Variants in SGSM3 observed in about 807,000 individuals in gnomAD.
The protein encoded by SGSM3 is RUN and SH3 containing 3.
SGSM3 carries 96 observed loss-of-function variants against 100.5 expected under a neutral mutation model. That is an observed-to-expected ratio of 0.96 (90% CI 0.81 to 1.13). The LOEUF (loss-of-function observed/expected upper bound fraction) is 1.13, where lower values mean the gene tolerates loss of function less well. Ranked by LOEUF, SGSM3 falls within the 50% of genes most tolerant of loss-of-function variation. SGSM3 has a pLI of 0.00. For synonymous variants in SGSM3, 483 were observed against 422.8 expected, an observed-to-expected ratio of 1.14 and a Z score of -1.75; for missense variants, 1,001 against 1,015.8, an observed-to-expected ratio of 0.99 and a Z score of 0.20.
chr22:40,404,397 G>A lies in SGSM3; in HGVS notation c.308G>A (p.Arg103His), dbSNP rs758178803. The change falls in exon 5 of 22, where the codon CGC becomes CAC. Residue 103 changes from arginine to histidine, a missense_variant. Coordinates refer to ENST00000248929, the MANE Select transcript of SGSM3 (RefSeq NM_015705.6). ...GACAAGATTGCCGTCTCCCTACCCC[G>A]CTCTGAGAAGCTCCGCTCCCTGGTG... ...TWDKIAVSLP[R>H]SEKLRSLVLA... The A allele has an allele frequency of 2.2e-5, 36 of 1,608,122 alleles. No individual in the cohort carries two copies. Among genetic ancestry groups the A allele is most frequent in the Middle Eastern group, 1.7e-4 (1 of 6,032 alleles).
chr22:40,404,306 C>G lies in SGSM3; in HGVS notation c.217C>G (p.Gln73Glu). Residue 73 changes from glutamine to glutamate, a missense_variant, in exon 5 of 22, where the codon CAG (glutamine) becomes GAG (glutamate). Transcript: ENST00000248929. ...ANSPLMEDAPQRLRWQAHLEF... is the reference protein window; with the variant it reads ...ANSPLMEDAPERLRWQAHLEF... Reference sequence around the variant, plus strand: ...CTCCCCTCTGATGGAGGATGCTCCACAGAGGCTGCGGTGGCAGGCCCACCT... The same window carrying G: ...CTCCCCTCTGATGGAGGATGCTCCAGAGAGGCTGCGGTGGCAGGCCCACCT... 6.4e-7 allele frequency: 1 copy of G among 1,568,996 alleles called. No individual in the cohort carries two copies. Among genetic ancestry groups the G allele is most frequent in the Non-Finnish European group, 8.6e-7 (1 of 1,156,564 alleles).
At chr22:40,399,700 A>G (rs1358719864) in intron 1 of SGSM3, among the ~76,000 whole-genome samples, 1 of 152,256 alleles carries the variant, frequency 6.6e-6, no homozygotes, top group Non-Finnish European at 1.5e-5. Context: ...TATATTTTAC[A>G]CTGAAGGAAG....
chr22:40,405,441 G>A lies in SGSM3; in HGVS notation c.618+157G>A, dbSNP rs558735358. On this transcript the variant is annotated intron_variant, in intron 7 of 21. Coordinates refer to ENST00000248929, the MANE Select transcript of SGSM3 (RefSeq NM_015705.6). The stretch of plus-strand genomic sequence containing the variant: ...ACTCCGGGGCGTCCCCAAGGAGATC[G>A]GGGCAGCTGCACGTTATGCAAGCAG... 6.7e-4 allele frequency among the ~76,000 whole-genome samples: 102 copies of A among 152,288 alleles called. 2 individuals carry two copies. The South Asian group carries it at 0.02, about 30-fold the overall frequency.
Position 40,410,266 on chromosome 22 carries a change from C to A in SGSM3, c.*507C>A. On this transcript the variant is annotated 3_prime_UTR_variant, in exon 22 of 22. Coordinates refer to ENST00000248929, the MANE Select transcript of SGSM3 (RefSeq NM_015705.6). ...CTGTGCTACCCACCCCTTCCATGGA[C>A]TGAATAAGATGGACTAACAGGCCTG... 1.3e-6 allele frequency: 1 copy of A among 760,352 alleles called. No homozygotes were observed. The highest frequency in any genetic ancestry group is 1.7e-6 in the Non-Finnish European group (1 of 603,476). 47.1% of individuals were successfully genotyped at this position (760,352 alleles called of 1,614,324 possible).
chr22:40,407,816 T>C lies in SGSM3; in HGVS notation c.1552T>C (p.Trp518Arg). The C allele has an allele frequency of 6.2e-7, 1 of 1,613,658 alleles. No homozygotes were observed. The highest frequency in any genetic ancestry group is 8.5e-7 in the Non-Finnish European group (1 of 1,179,868). The change falls in exon 14 of 22, where the codon TGG (tryptophan) becomes CGG (arginine). Residue 518 changes from tryptophan to arginine, a missense_variant. Coordinates refer to ENST00000248929, the MANE Select transcript of SGSM3 (RefSeq NM_015705.6). This position sits in a 1 kb window ranked among gnomAD's most constrained non-coding sequence, Gnocchi z 4.7. ...TIVSQKDEHC[W>R]VGELNGLRGW... ...CGTGTCTCAGAAGGACGAGCACTGCTGGGTGGGGGAGCTCAACGGCCTGCG... is the reference window on the plus strand; with the variant it reads ...CGTGTCTCAGAAGGACGAGCACTGCCGGGTGGGGGAGCTCAACGGCCTGCG...
At chr22:40,373,435 A>G (rs1329756193) in intron 1 of SGSM3, 1 of 152,170 alleles carries the variant, frequency 6.6e-6, no homozygotes, top group Non-Finnish European at 1.5e-5. Flanking sequence ...ACTCTGTTGA[A>G]ACTACTCTCA....
intron 1 of SGSM3, among the ~76,000 whole-genome samples, chr22:40,390,729 CAAACT>C (rs1469642361): frequency 2.6e-5 from 4 of 152,090 alleles, no homozygotes; most frequent in African/African-American, 9.7e-5. Flanking sequence ...GCACCTAACA[CAAACT>C]AAAGGCAGAG....
In SGSM3 at chr22:40,400,803, C is replaced by T; in HGVS notation, c.-4C>T. 6.5e-7 allele frequency: 1 copy of T among 1,548,722 alleles called. No homozygotes were observed. The highest frequency in any genetic ancestry group is 2.4e-5 in the East Asian group (1 of 41,066). Reference sequence around the variant, plus strand: ...TGCAGAAGACTTGCCAGCCCACCAGCACAATGTCAGGTAGAGGCAGGGGCT... The same window carrying T: ...TGCAGAAGACTTGCCAGCCCACCAGTACAATGTCAGGTAGAGGCAGGGGCT... On this transcript the variant is annotated 5_prime_UTR_variant, in exon 2 of 22. Transcript: ENST00000248929.
intron 1 of SGSM3, among the ~76,000 whole-genome samples, chr22:40,375,982 A>G (rs1400766794): frequency 1.3e-5 from 2 of 151,644 alleles, no homozygotes; most frequent in African/African-American, 4.8e-5. Flanking sequence ...TTGAAGCTGT[A>G]GTGAGCTGTG....
At chr22:40,377,661 A>G (rs1212282094) in intron 1 of SGSM3, among the ~76,000 whole-genome samples, 1 of 151,856 alleles carries the variant, frequency 6.6e-6, no homozygotes, top group Non-Finnish European at 1.5e-5. Context: ...CATAATGGGA[A>G]CCTGTCTCTA....
In SGSM3 at chr22:40,408,112, A is replaced by G. The variant is rs756545130; in HGVS notation, c.1621A>G (p.Ser541Gly). ...GTTCGTGGAAGTCCTGGATGAGCGC[A>G]GCAAAGAGGTGAGGGGGGTGGGCGG... Reference protein sequence around the residue: ...AKFVEVLDERSKEYSIAGDDS... With the variant: ...AKFVEVLDERGKEYSIAGDDS... Residue 541 changes from serine to glycine, a missense_variant, in exon 15 of 22, where the codon AGC becomes GGC. By Grantham distance (56) the Ser-to-Gly change is moderately conservative. Transcript: ENST00000248929. 1.9e-6 allele frequency: 3 copies of G among 1,571,732 alleles called. No individual in the cohort carries two copies. Among genetic ancestry groups the G allele is most frequent in the Admixed American group, 1.7e-5 (1 of 59,842 alleles).
chr22:40,378,549 C>T (rs141376879), intron 1 of SGSM3, among the ~76,000 whole-genome samples: 4 of 151,888 alleles, frequency 2.6e-5, no homozygotes, highest in African/African-American at 7.2e-5. Flanking sequence ...GCCTACATGG[C>T]GAAACCCCAT....
chr22:40,384,519 G>A (rs772030993), intron 1 of SGSM3, among the ~76,000 whole-genome samples: 2 of 152,156 alleles, frequency 1.3e-5, no homozygotes, highest in African/African-American at 2.4e-5. Flanking sequence ...GGTGGCTCAC[G>A]CCTGTAATCC....
chr22:40,383,018 A>G (rs2047822102), intron 1 of SGSM3, among the ~76,000 whole-genome samples: 1 of 152,102 alleles, frequency 6.6e-6, no homozygotes, highest in Non-Finnish European at 1.5e-5. Flanking sequence ...TGTGTAGGTC[A>G]TAAAACAGGT....
At position 40,402,152 on chromosome 22, in the gene SGSM3, C is replaced by T. The variant is rs746569117; in HGVS notation, c.104C>T (p.Ala35Val). ...LAKYTQKEES[A>V]EQPEFYYDEF... ...TCCTGATTCTAGAAGGAAGAGTCAG[C>T]AGAGCAACCAGAGTTCTACTACGAT... The change falls in exon 4 of 22, where the codon GCA becomes GTA. Residue 35 changes from alanine to valine, a missense_variant. Physicochemically the swap from Ala to Val is moderately conservative, Grantham distance 64. Transcript: ENST00000248929. 2 of 1,613,664 alleles carry T rather than the reference C, an allele frequency of 1.2e-6. No homozygotes were observed. Among genetic ancestry groups the T allele is most frequent in the Non-Finnish European group, 1.7e-6 (2 of 1,179,580 alleles).
intron 1 of SGSM3, among the ~76,000 whole-genome samples, chr22:40,375,090 G>A (rs1368397916): frequency 1.3e-5 from 2 of 152,096 alleles, no homozygotes; most frequent in Non-Finnish European, 2.9e-5. Flanking sequence ...CCTCTTTTCA[G>A]TAGGCACAGT....
chr22:40,406,734 C>T (rs141288025), intron 10 of SGSM3, 72 bp downstream of exon 10: 183 of 1,318,468 alleles, frequency 1.4e-4, no homozygotes, highest in Middle Eastern at 9.0e-4. Flanking sequence ...AAGTTCAGAG[C>T]GCGGGGGCTG....
intron 1 of SGSM3, among the ~76,000 whole-genome samples, chr22:40,382,058 T>C (rs1187224002): frequency 6.6e-6 from 1 of 152,166 alleles, no homozygotes; most frequent in Non-Finnish European, 1.5e-5. Context: ...CTGTCCTGTC[T>C]AGGATCTAGC....
At chr22:40,395,324 T>A (rs1601949546) in intron 1 of SGSM3, among the ~76,000 whole-genome samples, 1 of 150,336 alleles carries the variant, frequency 6.7e-6, no homozygotes, top group African/African-American at 2.5e-5. Flanking sequence ...ACCCCATAAC[T>A]CTTTTTTTTT....
Sources: allele counts gnomAD v4.1 joint callset (sites outside exome capture counted in the v4.1 genomes callset), GRCh38; gene constraint gnomAD v4.1.1; non-coding constraint Gnocchi (gnomAD v3.1); transcripts MANE v1.5; gene names NCBI Gene and HGNC (gene_info 2026-07-23, HGNC 2026-07-21).